Variants in CSMD1 observed in about 807,000 individuals in gnomAD.
The protein encoded by CSMD1 is CUB and sushi domain-containing protein 1.
CSMD1 carries 213 observed loss-of-function variants against 417.5 expected under a neutral mutation model. The ratio of observed to expected loss-of-function variants is 0.51; its 90% CI spans 0.46 to 0.57. The LOEUF (loss-of-function observed/expected upper bound fraction) is 0.57. CSMD1 is among the 20% of genes least tolerant of loss of function. The pLI, the probability that CSMD1 is intolerant of heterozygous loss-of-function variation, is 0.00. For synonymous variants in CSMD1, 2,862 were observed against 1,736.8 expected (o/e 1.65, Z -16.11); for missense variants, 6,923 against 4,529.7 (o/e 1.53, Z -15.17).
chr8:4,991,435 T>C (rs1231891726), intron 1 of CSMD1, among the ~76,000 whole-genome samples: 1 of 152,160 alleles, frequency 6.6e-6, no homozygotes, highest in Non-Finnish European at 1.5e-5. Flanking sequence ...CGGGTTCCAG[T>C]GACCTCAACT....
chr8:3,997,869 T>C, intron 5 of CSMD1, 34 bp downstream of exon 5: 1 of 1,578,418 alleles, frequency 6.3e-7, no homozygotes, highest in Non-Finnish European at 8.7e-7. Flanking sequence ...AAAACACACC[T>C]GTATCCTTTG....
At chr8:3,151,348 T>C (rs780563253) in intron 40 of CSMD1, 49 bp downstream of exon 40, 21 of 1,186,772 alleles carry the variant, frequency 1.8e-5, no homozygotes, top group East Asian at 2.4e-5. Flanking sequence ...CTTTCCAAGA[T>C]GGAAATGAAA....
intron 3 of CSMD1, among the ~76,000 whole-genome samples, chr8:4,201,250 A>C (rs895713215): frequency 5.9e-5 from 9 of 152,168 alleles, no homozygotes; most frequent in Non-Finnish European, 1.3e-4. Context: ...TAAGTAAAAA[A>C]ATTCAGGGCC....
At chr8:4,228,488 C>A (rs1048082293) in intron 3 of CSMD1, among the ~76,000 whole-genome samples, 1 of 152,014 alleles carries the variant, frequency 6.6e-6, no homozygotes, top group Non-Finnish European at 1.5e-5. Flanking sequence ...TGTATCCTCC[C>A]CCAACTGTCT....
At chr8:3,839,506 A>ATTTTTTTT (rs1802972255) in intron 5 of CSMD1, among the ~76,000 whole-genome samples, 1 of 128,124 alleles carries the variant, frequency 7.8e-6, no homozygotes, top group Non-Finnish European at 1.6e-5. Flanking sequence ...TAATATATAT[A>ATTTTTTTT]TTTATATAGA....
intron 5 of CSMD1, among the ~76,000 whole-genome samples, chr8:3,881,257 T>A (rs559923910): frequency 9.2e-5 from 2 of 21,722 alleles, no homozygotes. Flanking sequence ...TGTTTCTTTG[T>A]TTTTTGCTTT....
intron 9 of CSMD1, among the ~76,000 whole-genome samples, chr8:3,585,494 C>T (rs1459357061): frequency 6.6e-6 from 1 of 152,126 alleles, no homozygotes; most frequent in Admixed American, 6.6e-5. Flanking sequence ...TTAAAACAAC[C>T]AAAATAATTT....
intron 52 of CSMD1, among the ~76,000 whole-genome samples, chr8:3,006,684 A>G (rs1408568921): frequency 1.3e-5 from 2 of 151,270 alleles, no homozygotes; most frequent in African/African-American, 2.4e-5. Context: ...AGGATTCCCT[A>G]TTTAATAAAT....
At chr8:3,557,192 T>C (rs1208098383) in intron 10 of CSMD1, among the ~76,000 whole-genome samples, 21 of 152,238 alleles carry the variant, frequency 1.4e-4, no homozygotes, top group Admixed American at 1.2e-3. Context: ...AATAATGTTT[T>C]GTTTCTCTGG....
chr8:4,426,158 C>G (rs1338445732), intron 2 of CSMD1, among the ~76,000 whole-genome samples: 2 of 151,152 alleles, frequency 1.3e-5, no homozygotes, highest in African/African-American at 2.4e-5. Flanking sequence ...ACAGCATATA[C>G]AGAGGCTAGG....
chr8:4,004,384 T>C (rs1815940902), intron 4 of CSMD1, among the ~76,000 whole-genome samples: 2 of 151,546 alleles, frequency 1.3e-5, no homozygotes, highest in South Asian at 4.2e-4. Context: ...TTAGAGATGC[T>C]GTTGTTTTTG....
chr8:3,992,404 T>C (rs146139462), intron 5 of CSMD1, among the ~76,000 whole-genome samples: 14 of 152,262 alleles, frequency 9.2e-5, no homozygotes, highest in Non-Finnish European at 1.8e-4. Flanking sequence ...TAATCAGTGA[T>C]TGGCTGAAGT....
intron 1 of CSMD1, among the ~76,000 whole-genome samples, chr8:4,954,232 G>A (rs1228491022): frequency 1.3e-5 from 2 of 152,138 alleles, no homozygotes; most frequent in Non-Finnish European, 2.9e-5. Context: ...CAGAGTTTAA[G>A]AAATTATTTT....
At chr8:4,413,839 T>C (rs1796784522) in intron 3 of CSMD1, among the ~76,000 whole-genome samples, 1 of 152,114 alleles carries the variant, frequency 6.6e-6, no homozygotes, top group Admixed American at 6.5e-5. Context: ...CTTCTACTTG[T>C]TATGAAATGA....
chr8:3,239,003 G>C (rs1373766838), intron 26 of CSMD1, among the ~76,000 whole-genome samples: 1 of 152,112 alleles, frequency 6.6e-6, no homozygotes, highest in Admixed American at 6.6e-5. Context: ...AGTTGGTGTG[G>C]TGTCTGGAAT....
At chr8:3,917,245 A>G (rs146191893) in intron 5 of CSMD1, among the ~76,000 whole-genome samples, 3 of 152,296 alleles carry the variant, frequency 2.0e-5, no homozygotes, top group Non-Finnish European at 4.4e-5. Context: ...ATGCAACCCT[A>G]TGAGATGCTG....
At chr8:3,364,619 G>T (rs67005112) in intron 20 of CSMD1, among the ~76,000 whole-genome samples, 27,538 of 151,938 alleles carry the variant, frequency 0.18, 2,662 homozygotes, top group African/African-American at 0.24. Context: ...TGTCATGAGG[G>T]ACCCACCCTC....
Position 3,142,574 on chromosome 8 carries a change from A to C in CSMD1, c.6132T>G (p.Phe2044Leu). The C allele has an allele frequency of 6.2e-7, 1 of 1,614,000 alleles. No individual in the cohort carries two copies. The highest frequency in any genetic ancestry group is 8.5e-7 in the Non-Finnish European group (1 of 1,179,884). Residue 2044 changes from phenylalanine to leucine, a missense_variant, in exon 41 of 70, where the codon TTT becomes TTG. Physicochemically the swap from Phe to Leu is conservative, Grantham distance 22. Transcript: ENST00000635120. ...GGGCCGCGGGGAGATCCGTGCCGCTAAATTGTCCAATCATGGGGCTGGTGT... is the reference window on the plus strand; with the variant it reads ...GGGCCGCGGGGAGATCCGTGCCGCTCAATTGTCCAATCATGGGGCTGGTGT... Reference protein sequence around the residue: ...PYHTSPMIGQFSGTDLPAALL... With the variant: ...PYHTSPMIGQLSGTDLPAALL...
chr8:3,294,891 G>C (rs1390646002), intron 25 of CSMD1, among the ~76,000 whole-genome samples: 1 of 152,088 alleles, frequency 6.6e-6, no homozygotes, highest in Non-Finnish European at 1.5e-5. Flanking sequence ...TGGAAATGGA[G>C]AAATCGCCCG....
Sources: gnomAD v4.1 joint callset for allele counts (sites outside exome capture counted in the v4.1 genomes callset) on GRCh38, gnomAD v4.1.1 for gene constraint, MANE v1.5 for transcripts, NCBI Gene and HGNC (gene_info 2026-07-23, HGNC 2026-07-21) for gene names.